The following RUNDC3B variants were observed in gnomAD, a reference collection of about 807,000 sequenced individuals.
RUNDC3B encodes RUN domain-containing protein 3B.
Under a neutral mutation model 58.4 loss-of-function variants are expected in RUNDC3B, and 33 were observed. That is an observed-to-expected ratio of 0.56 (90% confidence interval 0.43 to 0.75). The LOEUF is 0.75. Ranked by LOEUF, RUNDC3B falls within the 30% of genes least tolerant of loss-of-function variation. The probability of loss-of-function intolerance (pLI) is 0.00; values close to 1 mark genes in which losing one functional copy is unlikely to be tolerated. For synonymous variants in RUNDC3B, 193 were observed against 195.2 expected, an observed-to-expected ratio of 0.99 and a Z score of 0.10; for missense variants, 501 against 535.7, an observed-to-expected ratio of 0.94 and a Z score of 0.64.
intron 1 of RUNDC3B, among the ~76,000 whole-genome samples, chr7:87,636,228 C>A (rs1821757233): frequency 6.6e-6 from 1 of 152,082 alleles, no homozygotes; most frequent in Non-Finnish European, 1.5e-5. Flanking sequence ...TGTTCTGTAT[C>A]CTAACTAATG....
chr7:87,680,908 A>T (rs1429488772), intron 2 of RUNDC3B, among the ~76,000 whole-genome samples: 2 of 150,840 alleles, frequency 1.3e-5, no homozygotes, highest in African/African-American at 2.5e-5. Context: ...CAATGAAATT[A>T]AAAACAAAAA....
intron 1 of RUNDC3B, among the ~76,000 whole-genome samples, chr7:87,642,596 T>C (rs1021252014): frequency 9.9e-5 from 15 of 151,976 alleles, no homozygotes; most frequent in Admixed American, 9.2e-4. Flanking sequence ...GATGAATCTT[T>C]TTGGAAAGTT....
intron 4 of RUNDC3B, among the ~76,000 whole-genome samples, chr7:87,721,422 G>C (rs1830880622): frequency 6.6e-6 from 1 of 151,976 alleles, no homozygotes; most frequent in African/African-American, 2.4e-5. Flanking sequence ...GTATGAGAGA[G>C]TGTGAGAGAA....
intron 7 of RUNDC3B, among the ~76,000 whole-genome samples, chr7:87,775,332 GA>G (rs940444485): frequency 6.6e-6 from 1 of 151,906 alleles, no homozygotes; most frequent in African/African-American, 2.4e-5. Context: ...TGTTTCAATA[GA>G]AAAAAAGCTT....
intron 2 of RUNDC3B, among the ~76,000 whole-genome samples, chr7:87,671,638 A>G (rs1825832096): frequency 6.6e-6 from 1 of 152,032 alleles, no homozygotes; most frequent in Admixed American, 6.6e-5. Context: ...TGCTGGCCCA[A>G]AGGCACCTGT....
At chr7:87,672,807 T>A (rs1044931615) in intron 2 of RUNDC3B, among the ~76,000 whole-genome samples, 8 of 152,156 alleles carry the variant, frequency 5.3e-5, no homozygotes, top group Non-Finnish European at 1.0e-4. Flanking sequence ...CAGGGGAGGT[T>A]CCCCTGGCTC....
chr7:87,662,163 A>G (rs1456260529), intron 2 of RUNDC3B, among the ~76,000 whole-genome samples: 2 of 151,138 alleles, frequency 1.3e-5, no homozygotes, highest in Non-Finnish European at 2.9e-5. Flanking sequence ...CCCTTGTCAG[A>G]TGAGTAGTCT....
intron 6 of RUNDC3B, among the ~76,000 whole-genome samples, chr7:87,763,000 T>C (rs185517961): frequency 6.6e-6 from 1 of 151,690 alleles, no homozygotes. Flanking sequence ...TGACTTTGCA[T>C]TTCTTTTTAT....
At chr7:87,756,242 A>G (rs1383214990) in intron 6 of RUNDC3B, among the ~76,000 whole-genome samples, 1 of 151,974 alleles carries the variant, frequency 6.6e-6, no homozygotes, top group Non-Finnish European at 1.5e-5. Context: ...CTCACTTTCT[A>G]GTATTTAGGG....
intron 6 of RUNDC3B, among the ~76,000 whole-genome samples, chr7:87,751,361 G>A (rs1238685575): frequency 1.3e-5 from 2 of 152,016 alleles, no homozygotes; most frequent in Admixed American, 6.6e-5. Context: ...TTGGTGATGC[G>A]GGCTCTTTTT....
In RUNDC3B at chr7:87,779,779, C is replaced by A. The variant is rs76065973; in HGVS notation, c.956+1824C>A. On this transcript the variant is annotated intron_variant, in intron 8 of 10. Coordinates refer to ENST00000394654, the MANE Select transcript of RUNDC3B (RefSeq NM_001134405.2). ...AGGTAGTTTTTCAGCCCTTACCCCC[C>A]ACCCTTCCTCTCCCTTCTCATAGTC... Among the ~76,000 whole-genome samples the A allele has an allele frequency of 1.2e-4, 19 of 152,168 alleles. No homozygotes were observed. In the East Asian group the frequency reaches 1.9e-3, roughly 15 times the overall value.
At chr7:87,800,310 T>C (rs542614769) in intron 8 of RUNDC3B, among the ~76,000 whole-genome samples, 2 of 152,326 alleles carry the variant, frequency 1.3e-5, no homozygotes, top group South Asian at 4.1e-4. Flanking sequence ...TAACTTTGAA[T>C]TGGCGAAGTA....
rs550552806 is a variant in RUNDC3B at position 87,665,480 on chromosome 7, A to G, written c.238+14543A>G. On this transcript the variant is annotated intron_variant, in intron 2 of 10. Transcript: ENST00000394654. ...ATATATCTCATGCTCATGGGTTGGA[A>G]GAATTTTTATTGTTAAATGTCCATA... Among the ~76,000 whole-genome samples, 7 of 152,262 alleles carry G rather than the reference A, an allele frequency of 4.6e-5. No individual in the cohort carries two copies. In the East Asian group the frequency reaches 1.4e-3, roughly 29 times the overall value.
At chr7:87,767,233 AC>A (rs1834022156) in intron 6 of RUNDC3B, among the ~76,000 whole-genome samples, 2 of 152,270 alleles carry the variant, frequency 1.3e-5, no homozygotes, top group East Asian at 3.9e-4. Context: ...ATTTGTCATA[AC>A]AGAATTTTCA....
intron 10 of RUNDC3B, among the ~76,000 whole-genome samples, chr7:87,821,220 C>A (rs374416587): frequency 2.6e-5 from 4 of 151,828 alleles, no homozygotes; most frequent in African/African-American, 4.8e-5. Context: ...ATGTACAAAA[C>A]TCACAAGCAT....
intron 10 of RUNDC3B, among the ~76,000 whole-genome samples, 170 bp downstream of exon 10, chr7:87,816,432 G>GT (rs1491308984): frequency 7.2e-5 from 11 of 152,034 alleles, no homozygotes; most frequent in Admixed American, 1.3e-4. Flanking sequence ...GTGTGTGTGT[G>GT]GGGGGGGCTA....
chr7:87,766,941 T>C (rs1376654299), intron 6 of RUNDC3B, among the ~76,000 whole-genome samples: 1 of 152,148 alleles, frequency 6.6e-6, no homozygotes, highest in African/African-American at 2.4e-5. Context: ...TGTTGATTTT[T>C]AATTTTTTTT....
intron 10 of RUNDC3B, among the ~76,000 whole-genome samples, chr7:87,829,411 T>A (rs1490303895): frequency 6.6e-6 from 1 of 152,166 alleles, no homozygotes; most frequent in African/African-American, 2.4e-5. Flanking sequence ...TTTCTGCATA[T>A]GGCTAGACAG....
chr7:87,714,432 T>C (rs199473695), intron 4 of RUNDC3B, among the ~76,000 whole-genome samples: 2 of 152,186 alleles, frequency 1.3e-5, no homozygotes, highest in Non-Finnish European at 2.9e-5. Context: ...TTCTTTAACA[T>C]AACATTTGTA....
Sources: gnomAD v4.1 joint callset for allele counts (sites outside exome capture counted in the v4.1 genomes callset) on GRCh38, gnomAD v4.1.1 for gene constraint, MANE v1.5 for transcripts, NCBI Gene and HGNC (gene_info 2026-07-23, HGNC 2026-07-21) for gene names.